Variants in ULK4 observed in about 807,000 individuals in gnomAD.
ULK4 encodes unc-51 like kinase 4, also known as inactive serine/threonine-protein kinase ULK4.
ULK4 carries 133 observed loss-of-function variants against 160.6 expected under a neutral mutation model. The ratio of observed to expected loss-of-function variants is 0.83; its 90% CI spans 0.72 to 0.96. The LOEUF is 0.96. ULK4 is among the 40% of genes least tolerant of loss of function. The pLI, the probability that ULK4 is intolerant of heterozygous loss-of-function variation, is 0.00. For synonymous variants in ULK4, 534 were observed against 539.8 expected (o/e 0.99, Z 0.15); for missense variants, 1,580 against 1,499.5 (o/e 1.05, Z -0.89).
intron 16 of ULK4, among the ~76,000 whole-genome samples, chr3:41,888,568 G>C (rs564760712): frequency 1.3e-5 from 2 of 152,298 alleles, no homozygotes; most frequent in East Asian, 1.9e-4. Context: ...GAACAATTGT[G>C]TCCTTGTACA....
At chr3:41,750,037 A>C (rs1384695903) in intron 22 of ULK4, among the ~76,000 whole-genome samples, 1 of 152,204 alleles carries the variant, frequency 6.6e-6, no homozygotes, top group African/African-American at 2.4e-5. Context: ...TTCTGCCAAG[A>C]ACCAGCGAGC....
Position 41,295,200 on chromosome 3 carries a change from CATAG to C in ULK4, c.3679-45630_3679-45627del, listed in dbSNP as rs1559509411. Among the ~76,000 whole-genome samples, 39 of 75,690 alleles carry C rather than the reference CATAG, an allele frequency of 5.2e-4. 13 individuals are homozygous for C. The highest frequency in any genetic ancestry group is 8.1e-4 in the Non-Finnish European group (24 of 29,702). 49.7% of individuals were successfully genotyped at this position (75,690 alleles called of 152,430 possible). On this transcript the variant is annotated intron_variant, in intron 35 of 36. Coordinates refer to ENST00000301831, the MANE Select transcript of ULK4 (RefSeq NM_017886.4). ...AGCAAAGGCAAAACAATGGAGCAAACATAGTTTTTTCAAGAAATAGTGTTGGAAC... is the reference window on the plus strand; with the variant it reads ...AGCAAAGGCAAAACAATGGAGCAAACTTTTTTCAAGAAATAGTGTTGGAAC...
intron 32 of ULK4, among the ~76,000 whole-genome samples, chr3:41,498,843 C>A (rs1199843790): frequency 6.6e-6 from 1 of 152,142 alleles, no homozygotes; most frequent in African/African-American, 2.4e-5. Context: ...GATTTGCCCA[C>A]CTCGGCTTCC....
intron 35 of ULK4, among the ~76,000 whole-genome samples, chr3:41,306,120 G>A (rs1318508948): frequency 1.0e-5 from 1 of 100,322 alleles, no homozygotes; most frequent in Non-Finnish European, 2.1e-5. Flanking sequence ...CCCCGTCCGG[G>A]AGGGAGGTGG....
At chr3:41,249,759 G>T (rs1042824337) in intron 35 of ULK4, among the ~76,000 whole-genome samples, 185 bp from the exon 36 acceptor site, 1 of 152,180 alleles carries the variant, frequency 6.6e-6, no homozygotes, top group Non-Finnish European at 1.5e-5. Context: ...GCTGACCAAG[G>T]GGAAAGAGGC....
intron 29 of ULK4, among the ~76,000 whole-genome samples, chr3:41,675,251 G>A (rs2035673567): frequency 6.6e-6 from 1 of 151,132 alleles, no homozygotes; most frequent in Non-Finnish European, 1.5e-5. Context: ...AAAAAAGAAA[G>A]AGAAAGTGTT....
chr3:41,567,688 C>T (rs1236708508), intron 31 of ULK4, among the ~76,000 whole-genome samples: 1 of 152,042 alleles, frequency 6.6e-6, no homozygotes, highest in Non-Finnish European at 1.5e-5. Flanking sequence ...TGGTCTCGAT[C>T]TCTTGACCTC....
At chr3:41,825,046 G>A (rs1056166155) in intron 18 of ULK4, among the ~76,000 whole-genome samples, 1 of 152,228 alleles carries the variant, frequency 6.6e-6, no homozygotes, top group Admixed American at 6.5e-5. Context: ...TGATACCCAG[G>A]TGAACAGGGT....
At chr3:41,331,122 A>G (rs779664579) in intron 35 of ULK4, among the ~76,000 whole-genome samples, 1 of 152,206 alleles carries the variant, frequency 6.6e-6, no homozygotes, top group South Asian at 2.1e-4. Flanking sequence ...CCGCAAGCCA[A>G]CTTGGATATC....
At chr3:41,634,699 T>C (rs1412927720) in intron 30 of ULK4, among the ~76,000 whole-genome samples, 1 of 152,144 alleles carries the variant, frequency 6.6e-6, no homozygotes, top group Non-Finnish European at 1.5e-5. Context: ...GGGTATAGTG[T>C]AGACATGGAA....
chr3:41,336,366 C>CA (rs2080555574), intron 35 of ULK4, among the ~76,000 whole-genome samples: 1 of 152,218 alleles, frequency 6.6e-6, no homozygotes, highest in African/African-American at 2.4e-5. Context: ...GGGAGAACTT[C>CA]AAGCTCCCTC....
chr3:41,610,138 C>G (rs918403820), intron 31 of ULK4, among the ~76,000 whole-genome samples: 4 of 151,784 alleles, frequency 2.6e-5, no homozygotes, highest in South Asian at 2.1e-4. Context: ...GCCTCAGCCT[C>G]CCCAGTAGTT....
intron 19 of ULK4, among the ~76,000 whole-genome samples, chr3:41,804,891 T>C (rs1360723531): frequency 6.6e-6 from 1 of 152,152 alleles, no homozygotes; most frequent in East Asian, 1.9e-4. Flanking sequence ...TGTAGCCTTG[T>C]AGTATAGTTT....
chr3:41,768,463 T>C (rs1477547369), intron 21 of ULK4, among the ~76,000 whole-genome samples: 1 of 152,200 alleles, frequency 6.6e-6, no homozygotes, highest in Non-Finnish European at 1.5e-5. Context: ...ATGTAGATTC[T>C]ACCTTGTACT....
chr3:41,509,270 G>GA (rs1386911291), intron 32 of ULK4, among the ~76,000 whole-genome samples: 2 of 151,996 alleles, frequency 1.3e-5, no homozygotes, highest in African/African-American at 4.8e-5. Context: ...ATGCATCAAA[G>GA]AAAAGAAGAA....
intron 22 of ULK4, among the ~76,000 whole-genome samples, chr3:41,742,957 A>T (rs1463134856): frequency 1.3e-5 from 2 of 151,894 alleles, no homozygotes; most frequent in African/African-American, 2.4e-5. Flanking sequence ...AAAAAAATAG[A>T]GTCTCAGGGA....
Position 41,409,724 on chromosome 3 carries a change from G to A in ULK4, c.3493-11460C>T, listed in dbSNP as rs543705769. ...AGCACTCTGGGAGGCCGAGGCAGGT[G>A]GATCACCTGAGGTCAGGAGTTTGAG... is the stretch of plus-strand genomic sequence containing the variant. On this transcript the variant is annotated intron_variant, in intron 34 of 36. Coordinates refer to ENST00000301831, the MANE Select transcript of ULK4 (RefSeq NM_017886.4). Among the ~76,000 whole-genome samples, 6 of 152,234 alleles carry A rather than the reference G, an allele frequency of 3.9e-5. 1 individual carries two copies. The South Asian group carries it at 1.2e-3, about 32-fold the overall frequency.
intron 32 of ULK4, among the ~76,000 whole-genome samples, chr3:41,478,459 A>G (rs2084210481): frequency 6.6e-6 from 1 of 152,202 alleles, no homozygotes; most frequent in Non-Finnish European, 1.5e-5. Context: ...CTGAGCCCAC[A>G]GTGGTCTCTG....
intron 18 of ULK4, among the ~76,000 whole-genome samples, chr3:41,820,465 C>G (rs780673712): frequency 6.6e-6 from 1 of 152,116 alleles, no homozygotes; most frequent in Non-Finnish European, 1.5e-5. Flanking sequence ...ATATCCACCA[C>G]GAAATACTAC....
Sources: allele counts gnomAD v4.1 joint callset (sites outside exome capture counted in the v4.1 genomes callset), GRCh38; gene constraint gnomAD v4.1.1; transcripts MANE v1.5; gene names NCBI Gene and HGNC (gene_info 2026-07-23, HGNC 2026-07-21).